Variants in IL2RA observed in about 807,000 individuals in gnomAD.
IL2RA encodes the protein interleukin 2 receptor subunit alpha.
A neutral mutation model predicts 37.8 loss-of-function variants in IL2RA; 24 were observed. That is an observed-to-expected ratio of 0.63 (90% CI 0.46 to 0.89). IL2RA has a LOEUF of 0.89. IL2RA is among the 40% of genes least tolerant of loss of function. The probability of loss-of-function intolerance (pLI) is 0.00; values close to 1 mark genes in which losing one functional copy is unlikely to be tolerated. For missense variants in IL2RA, 319 were observed against 348.6 expected, an observed-to-expected ratio of 0.92 and a Z score of 0.68; for synonymous variants, 125 against 114.6, an observed-to-expected ratio of 1.09 and a Z score of -0.58.
At position 6,047,433 on chromosome 10, in the gene IL2RA, C is replaced by A. The variant is rs12722505; in HGVS notation, c.64+14655G>T. 0.047 allele frequency among the ~76,000 whole-genome samples: 7,146 copies of A among 152,276 alleles called. 219 individuals are homozygous for A. The highest frequency in any genetic ancestry group is 0.1 in the Middle Eastern group (30 of 294). On this transcript the variant is annotated intron_variant, in intron 1 of 7. Coordinates refer to ENST00000379959, the MANE Select transcript of IL2RA (RefSeq NM_000417.3). This position sits in a 1 kb window ranked among gnomAD's most constrained non-coding sequence, Gnocchi z 5.0. Reference sequence around the variant, plus strand: ...GCTCAGGAGTCAGCCTGCTCCAAAGCTCTTCCTGCCTGTAGCATGCACCCT... The same window carrying A: ...GCTCAGGAGTCAGCCTGCTCCAAAGATCTTCCTGCCTGTAGCATGCACCCT...
chr10:6,015,246 T>A lies in IL2RA; in HGVS notation c.795-2350A>T, dbSNP rs917818693. 5.3e-5 allele frequency among the ~76,000 whole-genome samples: 8 copies of A among 151,918 alleles called. No individual in the cohort carries two copies. The highest frequency in any genetic ancestry group is 4.4e-5 in the Non-Finnish European group (3 of 67,944). Reference sequence around the variant, plus strand: ...TAGCTAAGATTATAGGTGCGCACCATGACAGCCAGCTAATTTTTGTATTTT... The same window carrying A: ...TAGCTAAGATTATAGGTGCGCACCAAGACAGCCAGCTAATTTTTGTATTTT... On this transcript the variant is annotated intron_variant, in intron 7 of 7. Coordinates refer to ENST00000379959, the MANE Select transcript of IL2RA (RefSeq NM_000417.3). The surrounding 1 kb of genome is among the most constrained non-coding windows in gnomAD (Gnocchi z 4.9).
In IL2RA at chr10:6,029,469, A is replaced by G. The variant is rs993802763; in HGVS notation, c.65-3444T>C. Among the ~76,000 whole-genome samples, 3 of 151,856 alleles carry G rather than the reference A, an allele frequency of 2.0e-5. No homozygotes were observed. The highest frequency in any genetic ancestry group is 7.3e-5 in the African/African-American group (3 of 41,318). Reference sequence around the variant, plus strand: ...AGTGAGACACTGTGTTCAGTGGTTTATTTTTATAAATAAAGTTTTATTGGA... The same window carrying G: ...AGTGAGACACTGTGTTCAGTGGTTTGTTTTTATAAATAAAGTTTTATTGGA... On this transcript the variant is annotated intron_variant, in intron 1 of 7. Coordinates refer to ENST00000379959, the MANE Select transcript of IL2RA (RefSeq NM_000417.3). The surrounding 1 kb of genome is among the most constrained non-coding windows in gnomAD (Gnocchi z 4.6).
intron 1 of IL2RA, among the ~76,000 whole-genome samples, chr10:6,031,499 T>G (rs1429787931): frequency 1.3e-5 from 1 of 75,740 alleles, no homozygotes; most frequent in Non-Finnish European, 2.7e-5. Flanking sequence ...TATATGTATA[T>G]ATATATATAT....
At position 6,031,798 on chromosome 10, in the gene IL2RA, G is replaced by A. The variant is rs74114097; in HGVS notation, c.65-5773C>T. Among the ~76,000 whole-genome samples, 208 of 151,790 alleles carry A rather than the reference G, an allele frequency of 1.4e-3. 2 individuals carry two copies. Among genetic ancestry groups the A allele is most frequent in the African/African-American group, 4.7e-3 (193 of 41,418 alleles). ...CCTTAAATTGATCAATTAATTCAAG[G>A]CAACTACAGTTTAAAAATCCAACAC... On this transcript the variant is annotated intron_variant, in intron 1 of 7. Coordinates refer to ENST00000379959, the MANE Select transcript of IL2RA (RefSeq NM_000417.3).
chr10:6,051,277 G>T (rs1457298906), intron 1 of IL2RA, among the ~76,000 whole-genome samples: 1 of 151,976 alleles, frequency 6.6e-6, no homozygotes, highest in Non-Finnish European at 1.5e-5. Context: ...GAGATGTCAC[G>T]CATGCAGCCG....
intron 5 of IL2RA, 139 bp downstream of exon 5, chr10:6,019,731 C>T (rs964757172): frequency 1.2e-5 from 11 of 883,436 alleles, no homozygotes; most frequent in Middle Eastern, 4.3e-4. Flanking sequence ...GAGGCCCTGT[C>T]CCTGCTCAGA....
intron 1 of IL2RA, among the ~76,000 whole-genome samples, chr10:6,041,140 C>T (rs1045030770): frequency 7.9e-6 from 1 of 126,394 alleles, no homozygotes; most frequent in South Asian, 2.5e-4. Flanking sequence ...TTTTTTGAGA[C>T]GGAGTCTCGC....
rs2256852 is a variant in IL2RA at position 6,054,960 on chromosome 10, G to A, written c.64+7128C>T. ...GATCCTCCTGCCTTGGCCTCCCAAA[G>A]TGCAGGTATTACAGGCATGAGCTAT... On this transcript the variant is annotated intron_variant, in intron 1 of 7. Transcript: ENST00000379959. This position sits in a 1 kb window ranked among gnomAD's most constrained non-coding sequence, Gnocchi z 4.5. 0.35 allele frequency among the ~76,000 whole-genome samples: 53,726 copies of A among 151,960 alleles called. 9,981 individuals carry two copies. The highest frequency in any genetic ancestry group is 0.51 in the Middle Eastern group (151 of 294).
At chr10:6,050,350 A>G (rs1839930260) in intron 1 of IL2RA, among the ~76,000 whole-genome samples, 1 of 152,114 alleles carries the variant, frequency 6.6e-6, no homozygotes, top group Non-Finnish European at 1.5e-5. Flanking sequence ...TAAAATGGGA[A>G]TGGTGGCAGG....
chr10:6,038,657 A>G (rs1313913505), intron 1 of IL2RA, among the ~76,000 whole-genome samples: 1 of 152,244 alleles, frequency 6.6e-6, no homozygotes, highest in African/African-American at 2.4e-5. Context: ...TCTTTCAAAT[A>G]GCAAACATAA....
chr10:6,027,190 G>A (rs1839498330), intron 1 of IL2RA, among the ~76,000 whole-genome samples: 1 of 152,266 alleles, frequency 6.6e-6, no homozygotes, highest in South Asian at 2.1e-4. Context: ...GCCGGGCGTG[G>A]TGGCATGTGC....
In IL2RA at chr10:6,020,865, T is replaced by C. The variant is rs1185650783; in HGVS notation, c.583+613A>G. Among the ~76,000 whole-genome samples the C allele has an allele frequency of 6.6e-6, 1 of 152,066 alleles. No homozygotes were observed. The highest frequency in any genetic ancestry group is 2.4e-5 in the African/African-American group (1 of 41,410). The stretch of plus-strand genomic sequence containing the variant: ...AAGTCACTTTTGATTGTCGTGATAC[T>C]AATAAGATTTCAGAAGGAAGACAGC... On this transcript the variant is annotated intron_variant, in intron 4 of 7. Coordinates refer to ENST00000379959, the MANE Select transcript of IL2RA (RefSeq NM_000417.3). This position sits in a 1 kb window ranked among gnomAD's most constrained non-coding sequence, Gnocchi z 5.6.
chr10:6,062,218 C>T lies in IL2RA; in HGVS notation c.-67G>A. 3 of 1,379,306 alleles carry T rather than the reference C, an allele frequency of 2.2e-6. No individual in the cohort carries two copies. The highest frequency in any genetic ancestry group is 3.1e-6 in the Non-Finnish European group (3 of 967,120). 85.4% of individuals were successfully genotyped at this position (1,379,306 alleles called of 1,614,324 possible). The stretch of plus-strand genomic sequence containing the variant: ...TCTTTCTCTGCAGAAGGCCCAGTTG[C>T]CGTCAGCCTCTTTTTGGCATCGCGC... On this transcript the variant is annotated 5_prime_UTR_variant, in exon 1 of 8. Transcript: ENST00000379959.
At chr10:6,023,764 C>T (rs1403009129) in intron 3 of IL2RA, among the ~76,000 whole-genome samples, 1 of 152,246 alleles carries the variant, frequency 6.6e-6, no homozygotes, top group Non-Finnish European at 1.5e-5. Flanking sequence ...GCTTTTGAGA[C>T]TCACAAGTGT....
In IL2RA at chr10:6,019,936, C is replaced by T. The variant is rs913832702; in HGVS notation, c.589G>A (p.Glu197Lys). The T allele has an allele frequency of 6.8e-6, 11 of 1,613,846 alleles. No individual in the cohort carries two copies. Among genetic ancestry groups the T allele is most frequent in the Non-Finnish European group, 9.3e-6 (11 of 1,179,822 alleles). The change falls in exon 5 of 8, where the codon GAG (glutamate) becomes AAG (lysine). Residue 197 changes from glutamate to lysine, a missense_variant. Coordinates refer to ENST00000379959, the MANE Select transcript of IL2RA (RefSeq NM_000417.3). ...CCTTCGGGGCTTGCCTGAGGCTTCTCTTCACCTGGGGGAGAGAGTAAGTGA... is the reference window on the plus strand; with the variant it reads ...CCTTCGGGGCTTGCCTGAGGCTTCTTTTCACCTGGGGGAGAGAGTAAGTGA... The part of the protein sequence containing the change: ...EMETSQFPGE[E>K]KPQASPEGRP...
intron 1 of IL2RA, among the ~76,000 whole-genome samples, chr10:6,050,736 A>C (rs1324123521): frequency 6.6e-6 from 1 of 152,246 alleles, no homozygotes; most frequent in African/African-American, 2.4e-5. Flanking sequence ...GAAGCAGAGC[A>C]CGCAGCAAGG....
chr10:6,059,146 C>A (rs1840088863), intron 1 of IL2RA, among the ~76,000 whole-genome samples: 1 of 152,176 alleles, frequency 6.6e-6, no homozygotes, highest in Non-Finnish European at 1.5e-5. Context: ...GAAACTTGAC[C>A]CCTGTCATTG....
chr10:6,014,239 G>T lies in IL2RA; in HGVS notation c.795-1343C>A, dbSNP rs987344742. The stretch of plus-strand genomic sequence containing the variant: ...TTCTGTAGCACATCACGGGCTCCTG[G>T]TCATTGCCCGAAACAAACAAAAAAT... On this transcript the variant is annotated intron_variant, in intron 7 of 7. Coordinates refer to ENST00000379959, the MANE Select transcript of IL2RA (RefSeq NM_000417.3). This position sits in a 1 kb window ranked among gnomAD's most constrained non-coding sequence, Gnocchi z 4.4. Among the ~76,000 whole-genome samples, 1 of 152,118 alleles carries T rather than the reference G, an allele frequency of 6.6e-6. No homozygotes were observed. Among genetic ancestry groups the T allele is most frequent in the Admixed American group, 6.6e-5 (1 of 15,260 alleles).
At chr10:6,059,066 T>G (rs1416847692) in intron 1 of IL2RA, among the ~76,000 whole-genome samples, 7 of 152,242 alleles carry the variant, frequency 4.6e-5, no homozygotes, top group Non-Finnish European at 1.0e-4. Context: ...TAGGTTCCTC[T>G]TGGAGAAAAA....
Sources: allele counts gnomAD v4.1 joint callset (sites outside exome capture counted in the v4.1 genomes callset), GRCh38; gene constraint gnomAD v4.1.1; non-coding constraint Gnocchi (gnomAD v3.1); transcripts MANE v1.5; gene names NCBI Gene and HGNC (gene_info 2026-07-23, HGNC 2026-07-21).